The following IGSF21 variants were observed in gnomAD, a reference collection of about 807,000 sequenced individuals.
IGSF21 encodes the protein immunoglobin superfamily member 21, also known as immunoglobulin superfamily member 21.
Under a neutral mutation model 46.8 loss-of-function variants are expected in IGSF21, and 28 were observed. That is an observed-to-expected ratio of 0.60 (90% CI 0.44 to 0.82). The LOEUF (loss-of-function observed/expected upper bound fraction) is 0.82, where lower values mean the gene tolerates loss of function less well. IGSF21 is among the 40% of genes least tolerant of loss of function. IGSF21 has a pLI of 0.00. For synonymous variants in IGSF21, 284 were observed against 273.6 expected (o/e 1.04, Z -0.38); for missense variants, 624 against 665.5 (o/e 0.94, Z 0.69).
At chr1:18,139,129 C>G (rs75284478) in intron 1 of IGSF21, among the ~76,000 whole-genome samples, 1 of 152,136 alleles carries the variant, frequency 6.6e-6, no homozygotes, top group Non-Finnish European at 1.5e-5. Context: ...AATGGCAACA[C>G]TTTTTATTCT....
At chr1:18,236,096 G>T (rs2084670374) in intron 2 of IGSF21, among the ~76,000 whole-genome samples, 1 of 128,216 alleles carries the variant, frequency 7.8e-6, no homozygotes, top group Admixed American at 8.0e-5. Context: ...GGAGAAGCAG[G>T]TTGCAAGGTG....
chr1:18,343,328 T>C (rs978965709), intron 4 of IGSF21, among the ~76,000 whole-genome samples: 1 of 152,276 alleles, frequency 6.6e-6, no homozygotes, highest in African/African-American at 2.4e-5. Flanking sequence ...AAGAGTTCTC[T>C]ATCTGACCTA....
At chr1:18,144,750 T>C (rs2086450027) in intron 1 of IGSF21, among the ~76,000 whole-genome samples, 1 of 151,946 alleles carries the variant, frequency 6.6e-6, no homozygotes, top group Non-Finnish European at 1.5e-5. Flanking sequence ...GCAGGGCCAC[T>C]CGGACAGAGA....
At chr1:18,349,666 A>C (rs955150664) in intron 4 of IGSF21, among the ~76,000 whole-genome samples, 1 of 152,176 alleles carries the variant, frequency 6.6e-6, no homozygotes, top group Non-Finnish European at 1.5e-5. Flanking sequence ...GCTGACATTT[A>C]TTCATCACTT....
intron 1 of IGSF21, among the ~76,000 whole-genome samples, chr1:18,157,381 G>A (rs1292364400): frequency 6.6e-6 from 1 of 152,192 alleles, no homozygotes; most frequent in Non-Finnish European, 1.5e-5. Flanking sequence ...GGCAGCTCCA[G>A]GAGCTCAGGT....
Position 18,335,432 on chromosome 1 carries a change from G to A in IGSF21, c.424+422G>A, listed in dbSNP as rs2085757094. On this transcript the variant is annotated intron_variant, in intron 4 of 9. Coordinates refer to ENST00000251296, the MANE Select transcript of IGSF21 (RefSeq NM_032880.5). The surrounding 1 kb of genome is among the most constrained non-coding windows in gnomAD (Gnocchi z 4.8). Reference sequence around the variant, plus strand: ...AAAGCGCTCATGGCTGGGATTCAGAGCTCCTGGGTTCTCACCCTCTCCCCA... The same window carrying A: ...AAAGCGCTCATGGCTGGGATTCAGAACTCCTGGGTTCTCACCCTCTCCCCA... 6.6e-6 allele frequency among the ~76,000 whole-genome samples: 1 copy of A among 152,204 alleles called. No individual in the cohort carries two copies. Among genetic ancestry groups the A allele is most frequent in the African/African-American group, 2.4e-5 (1 of 41,454 alleles).
At chr1:18,350,022 G>A (rs1024904403) in intron 4 of IGSF21, among the ~76,000 whole-genome samples, 1 of 152,180 alleles carries the variant, frequency 6.6e-6, no homozygotes, top group African/African-American at 2.4e-5. Context: ...CGTCAGCCCT[G>A]GCCCTGAGCC....
chr1:18,119,133 CTCCCTTCT>C (rs889170109), intron 1 of IGSF21, among the ~76,000 whole-genome samples: 1 of 152,176 alleles, frequency 6.6e-6, no homozygotes, highest in African/African-American at 2.4e-5. Flanking sequence ...TCCTCCCTTC[CTCCCTTCT>C]TCCCTTCCCT....
intron 1 of IGSF21, among the ~76,000 whole-genome samples, chr1:18,132,908 T>G (rs11261082): frequency 5.7e-4 from 85 of 147,894 alleles, no homozygotes; most frequent in South Asian, 1.1e-3. Context: ...TCTGAGCAGG[T>G]GGAGGGAGTG....
intron 1 of IGSF21, among the ~76,000 whole-genome samples, chr1:18,165,790 C>G (rs1231233774): frequency 1.3e-5 from 2 of 152,252 alleles, no homozygotes; most frequent in Non-Finnish European, 1.5e-5. Context: ...CCAGTCCAAG[C>G]AAGCATTAAG....
intron 1 of IGSF21, among the ~76,000 whole-genome samples, chr1:18,154,265 G>A (rs573774556): frequency 1.3e-5 from 2 of 152,172 alleles, no homozygotes; most frequent in African/African-American, 4.8e-5. Context: ...GACTTGGATG[G>A]GATTTGATTT....
chr1:18,119,472 C>T (rs2086214234), intron 1 of IGSF21, among the ~76,000 whole-genome samples: 1 of 152,258 alleles, frequency 6.6e-6, no homozygotes, highest in Non-Finnish European at 1.5e-5. Flanking sequence ...TTGGACAGTG[C>T]ACTTCCAAAA....
At chr1:18,167,043 A>G (rs1259554333) in intron 1 of IGSF21, 1 of 153,156 alleles carries the variant, frequency 6.5e-6, no homozygotes, top group Non-Finnish European at 1.5e-5. Context: ...GGCAGAACAC[A>G]CAAGTGTTTG....
At chr1:18,257,620 G>T (rs571463594) in intron 2 of IGSF21, among the ~76,000 whole-genome samples, 1 of 152,210 alleles carries the variant, frequency 6.6e-6, no homozygotes, top group South Asian at 2.1e-4. Flanking sequence ...CAAACACTTA[G>T]CAGTACCCAC....
chr1:18,333,932 A>G lies in IGSF21; in HGVS notation c.306-960A>G, dbSNP rs140979578. Among the ~76,000 whole-genome samples, 309 of 152,346 alleles carry G rather than the reference A, an allele frequency of 2.0e-3. 1 individual carries two copies. The highest frequency in any genetic ancestry group is 4.2e-3 in the Admixed American group (65 of 15,310). On this transcript the variant is annotated intron_variant, in intron 3 of 9. Transcript: ENST00000251296. ...AGAAGGATATTGTATGGCAAATGAAAATTATGTGAAATTCAAATTTAAATG... is the reference window on the plus strand; with the variant it reads ...AGAAGGATATTGTATGGCAAATGAAGATTATGTGAAATTCAAATTTAAATG...
chr1:18,126,684 C>G (rs968821926), intron 1 of IGSF21, among the ~76,000 whole-genome samples: 1 of 152,192 alleles, frequency 6.6e-6, no homozygotes. Flanking sequence ...CTGCCCCACC[C>G]TCATGGGAGC....
chr1:18,161,105 C>T (rs1331283166), intron 1 of IGSF21, among the ~76,000 whole-genome samples: 2 of 152,290 alleles, frequency 1.3e-5, no homozygotes, highest in Admixed American at 6.5e-5. Context: ...GATCAGCAAA[C>T]TCCTGAATCT....
chr1:18,127,813 G>A (rs2086286207), intron 1 of IGSF21, among the ~76,000 whole-genome samples: 1 of 152,170 alleles, frequency 6.6e-6, no homozygotes, highest in South Asian at 2.1e-4. Flanking sequence ...GGAGGCTGAA[G>A]TGGGAGGATC....
chr1:18,230,543 C>T (rs575858715), intron 2 of IGSF21, among the ~76,000 whole-genome samples: 11 of 152,192 alleles, frequency 7.2e-5, no homozygotes, highest in Non-Finnish European at 1.2e-4. Flanking sequence ...TGTAGCTGGA[C>T]GGAGGTGGTG....
Sources: gnomAD v4.1 joint callset for allele counts (sites outside exome capture counted in the v4.1 genomes callset) on GRCh38, gnomAD v4.1.1 for gene constraint, Gnocchi (gnomAD v3.1) non-coding constraint, MANE v1.5 for transcripts, NCBI Gene and HGNC (gene_info 2026-07-23, HGNC 2026-07-21) for gene names.